POLQ: variants seen among roughly 807,000 people sequenced by gnomAD.
POLQ encodes the protein DNA polymerase theta, also known as epididymis secretory sperm binding protein.
In POLQ, 233 loss-of-function variants were observed where a neutral mutation model predicts 259.2. That is an observed-to-expected ratio of 0.90 (90% confidence interval 0.81 to 1.00). The LOEUF is 1.00. POLQ is among the 50% of genes least tolerant of loss of function. The probability of loss-of-function intolerance (pLI) is 0.00; values close to 1 mark genes in which losing one functional copy is unlikely to be tolerated. For missense variants in POLQ, 2,871 were observed against 3,051.6 expected (o/e 0.94, Z 1.39); for synonymous variants, 1,025 against 1,048.8 (o/e 0.98, Z 0.44).
intron 26 of POLQ, among the ~76,000 whole-genome samples, chr3:121,443,963 T>C (rs1431429637): frequency 6.6e-6 from 1 of 152,210 alleles, no homozygotes; most frequent in African/African-American, 2.4e-5. Flanking sequence ...TTTATACCAG[T>C]ACTATGTCAT....
chr3:121,448,428 C>A (rs909570347), intron 26 of POLQ, among the ~76,000 whole-genome samples: 1 of 151,808 alleles, frequency 6.6e-6, no homozygotes, highest in Non-Finnish European at 1.5e-5. Flanking sequence ...AGTGCAATGG[C>A]GTGATCTCGG....
rs750309631 is a variant in POLQ, at chr3:121,472,064, T to C, written c.6644A>G (p.Gln2215Arg). ...AAAAGGATTAAGACACTTTTCCCGC[T>C]GAAGGGGAAAGACCACTTTGGTAAT... is the stretch of plus-strand genomic sequence containing the variant. ...NAITKVVFPLQREKCLNPFLG... is the reference protein window; with the variant it reads ...NAITKVVFPLRREKCLNPFLG... The change falls in exon 22 of 30, where the codon CAG becomes CGG. Residue 2215 changes from glutamine (Q) to arginine (R), a missense_variant. By Grantham distance (43) the Gln-to-Arg change is conservative (BLOSUM62 1). Transcript: ENST00000264233. 3.8e-6 allele frequency: 6 copies of C among 1,589,764 alleles called. No homozygotes were observed. The highest frequency in any genetic ancestry group is 1.7e-5 in the Admixed American group (1 of 59,732).
chr3:121,460,000 T>G, intron 25 of POLQ, 50 bp downstream of exon 25: 1 of 1,386,908 alleles, frequency 7.2e-7, no homozygotes. Flanking sequence ...TAATTTTTTT[T>G]GAGTCACTAA....
rs544117810 is a variant in POLQ, at chr3:121,519,874, C to T, written c.1465G>A (p.Val489Ile). Residue 489 changes from valine to isoleucine, a missense_variant, in exon 9 of 30, where the codon GTA becomes ATA. By Grantham distance (29) the Val-to-Ile change is conservative (BLOSUM62 3). Coordinates refer to ENST00000264233, the MANE Select transcript of POLQ (RefSeq NM_199420.4). ...AATTAAATTCAAACTCACTTACCTA[C>T]TGTGTCCACTCCTTTCCTGCCAGCA... is the stretch of plus-strand genomic sequence containing the variant. ...GRAGRKGVDT[V>I]GESILICKNS... 6.6e-7 allele frequency: 1 copy of T among 1,504,790 alleles called. No homozygotes were observed. The highest frequency in any genetic ancestry group is 1.1e-5 in the South Asian group (1 of 88,860). The allele number at this position is 1,504,790 out of a possible 1,614,324, so 93.2% of individuals were successfully genotyped here.
rs1396269444 is a variant in POLQ at position 121,489,349 on chromosome 3, C to G, written c.3582G>C (p.Gln1194His). The change falls in exon 16 of 30, where the codon CAG becomes CAC. Residue 1194 changes from glutamine (Q) to histidine (H), a missense_variant. Physicochemically the swap from Gln to His is conservative, Grantham distance 24. Around this residue, in one of 3 missense-constraint regions of POLQ, gnomAD observed 2,080 missense variants for 2,126.0 expected, o/e 0.98. Transcript: ENST00000264233. ...GTTCATGAGATTGCTTTCGCAGGTA[C>G]TGGTTAATTGGATGGATGTCATGGT... ...MKHHDIHPIN[Q>H]YLRKQSHEQT... 2 of 1,613,208 alleles carry G rather than the reference C, an allele frequency of 1.2e-6. No homozygotes were observed. The highest frequency in any genetic ancestry group is 1.7e-6 in the Non-Finnish European group (2 of 1,179,712).
intron 14 of POLQ, among the ~76,000 whole-genome samples, chr3:121,495,917 C>T (rs1008682896): frequency 1.3e-5 from 2 of 151,586 alleles, no homozygotes; most frequent in African/African-American, 4.8e-5. Flanking sequence ...TCATCTTCCC[C>T]GCAGTACTCC....
At chr3:121,452,653 G>A (rs1447490990) in intron 25 of POLQ, among the ~76,000 whole-genome samples, 2 of 152,014 alleles carry the variant, frequency 1.3e-5, no homozygotes, top group East Asian at 3.9e-4. Context: ...GTTGTCTCCG[G>A]CGGATAAGTG....
chr3:121,543,627 TTA>T (rs1348369680), intron 2 of POLQ, among the ~76,000 whole-genome samples: 1 of 152,172 alleles, frequency 6.6e-6, no homozygotes, highest in African/African-American at 2.4e-5. Context: ...TACCAAATGA[TTA>T]GATTTAAAGT....
In POLQ at chr3:121,449,516, T is replaced by C. The variant is rs575874654; in HGVS notation, c.7153-90A>G. 3.5e-5 allele frequency: 26 copies of C among 749,062 alleles called. 1 individual carries two copies. In the South Asian group the frequency reaches 3.8e-4, roughly 11 times the overall value. 46.4% of individuals were successfully genotyped at this position (749,062 alleles called of 1,614,324 possible). The stretch of plus-strand genomic sequence containing the variant: ...TAGGATGCGAATTTCGGCAAACTTT[T>C]TATTTCACAGTGAGTGAAACAATGA... On this transcript the variant is annotated intron_variant, in intron 25 of 29. Coordinates refer to ENST00000264233, the MANE Select transcript of POLQ (RefSeq NM_199420.4).
rs563504086 is a variant in POLQ at position 121,520,340 on chromosome 3, A to G, written c.1256-257T>C. Reference sequence around the variant, plus strand: ...CGCTTGAGGTCAGGAGTTCGAGACCAGCCTGGCCAACATGGTGAAACCCTG... The same window carrying G: ...CGCTTGAGGTCAGGAGTTCGAGACCGGCCTGGCCAACATGGTGAAACCCTG... On this transcript the variant is annotated intron_variant, in intron 8 of 29. Transcript: ENST00000264233. Among the ~76,000 whole-genome samples, 107 of 152,250 alleles carry G rather than the reference A, an allele frequency of 7.0e-4. 2 individuals are homozygous for G. The highest frequency in any genetic ancestry group is 1.3e-3 in the Non-Finnish European group (86 of 68,010).
intron 25 of POLQ, among the ~76,000 whole-genome samples, chr3:121,452,457 T>G (rs1453000464): frequency 6.6e-6 from 1 of 151,132 alleles, no homozygotes; most frequent in Non-Finnish European, 1.5e-5. Context: ...TTCCTTTCCT[T>G]TTTTTCTTTT....
chr3:121,526,562 T>C (rs1277762324), intron 7 of POLQ, among the ~76,000 whole-genome samples: 2 of 152,306 alleles, frequency 1.3e-5, no homozygotes, highest in Non-Finnish European at 2.9e-5. Flanking sequence ...CAGGCAGATA[T>C]CCTTTCTCCT....
intron 25 of POLQ, among the ~76,000 whole-genome samples, chr3:121,459,018 A>T (rs1171626852): frequency 6.6e-6 from 1 of 152,226 alleles, no homozygotes; most frequent in Non-Finnish European, 1.5e-5. Flanking sequence ...AAATGGCATC[A>T]GATTTCCCAC....
intron 13 of POLQ, among the ~76,000 whole-genome samples, chr3:121,498,173 G>T: frequency 6.6e-6 from 1 of 152,164 alleles, no homozygotes; most frequent in Non-Finnish European, 1.5e-5. Flanking sequence ...AGCCAGGCAT[G>T]GTGGCACATG....
intron 20 of POLQ, among the ~76,000 whole-genome samples, chr3:121,473,727 C>CAT (rs538023330): frequency 2.4e-4 from 27 of 114,256 alleles, no homozygotes; most frequent in African/African-American, 8.5e-4. Context: ...AACACAAGGC[C>CAT]TTTTTTTTTT....
At chr3:121,457,981 A>G (rs1452331096) in intron 25 of POLQ, among the ~76,000 whole-genome samples, 1 of 152,224 alleles carries the variant, frequency 6.6e-6, no homozygotes, top group Non-Finnish European at 1.5e-5. Flanking sequence ...ACTTGGAACC[A>G]ACCCAAATGT....
intron 24 of POLQ, among the ~76,000 whole-genome samples, chr3:121,465,117 T>G (rs550295857): frequency 6.6e-6 from 1 of 151,884 alleles, no homozygotes; most frequent in East Asian, 1.9e-4. Flanking sequence ...CATAGGGTCT[T>G]GCTTTTTCGC....
chr3:121,487,415 GT>G lies in POLQ; in HGVS notation c.5515del (p.Thr1839HisfsTer24). The G allele has an allele frequency of 1.2e-6, 2 of 1,614,030 alleles. No individual in the cohort carries two copies. The highest frequency in any genetic ancestry group is 1.7e-6 in the Non-Finnish European group (2 of 1,179,930). Reference sequence around the variant, plus strand: ...TTTGCACCGCCACTCCTTAATGAATGTTTGGAAAAGATTTTGGTCACTTGCT... The same window carrying G: ...TTTGCACCGCCACTCCTTAATGAATGTTGGAAAAGATTTTGGTCACTTGCT... ...DVASDQNLFQ[T>X]FIKEWRCKKR... On this transcript the variant is annotated frameshift_variant, in exon 16 of 30. Transcript: ENST00000264233. LOFTEE classifies it high-confidence loss of function.
rs750483451 is a variant in POLQ at position 121,533,055 on chromosome 3, C to A, written c.895G>T (p.Gly299Ter). Residue 299 changes from glycine (G) to a stop codon, truncating the protein, a stop_gained, in exon 6 of 30, where the codon GGA becomes TGA. Transcript: ENST00000264233. LOFTEE classifies it high-confidence loss of function. ...ATTGAAGAGTCATATATGGAATTTC[C>A]AACTTTTACTGACTCCAAAAGCGGT... Reference protein sequence around the residue: ...PVPLLESVKVGNSIYDSSMKL... With the variant: ...PVPLLESVKV 1 of 1,613,714 alleles carries A rather than the reference C, an allele frequency of 6.2e-7. No homozygotes were observed. The highest frequency in any genetic ancestry group is 8.5e-7 in the Non-Finnish European group (1 of 1,179,932).
Sources: allele counts gnomAD v4.1 joint callset (sites outside exome capture counted in the v4.1 genomes callset), GRCh38; gene constraint gnomAD v4.1.1; regional missense constraint gnomAD v4.1.1; transcripts MANE v1.5; gene names NCBI Gene and HGNC (gene_info 2026-07-23, HGNC 2026-07-21).